The following ARHGAP24 variants were observed in gnomAD, a reference collection of about 807,000 sequenced individuals.
The protein encoded by ARHGAP24 is Rho GTPase activating protein 24, also known as rho GTPase-activating protein 24.
A neutral mutation model predicts 76.4 loss-of-function variants in ARHGAP24; 50 were observed. That is an observed-to-expected ratio of 0.65 (90% CI 0.52 to 0.83). The LOEUF is 0.83. ARHGAP24 is among the 40% of genes least tolerant of loss of function. The probability of loss-of-function intolerance (pLI) is 0.00; values close to 1 mark genes in which losing one functional copy is unlikely to be tolerated. For synonymous variants in ARHGAP24, 345 were observed against 323.3 expected, an observed-to-expected ratio of 1.07 and a Z score of -0.72; for missense variants, 930 against 914.2, an observed-to-expected ratio of 1.02 and a Z score of -0.22.
At position 85,616,947 on chromosome 4, in the gene ARHGAP24, G is replaced by A. The variant is rs191048285; in HGVS notation, c.180+46226G>A. On this transcript the variant is annotated intron_variant, in intron 2 of 9. Transcript: ENST00000395184. Reference sequence around the variant, plus strand: ...CCAGCGGCTTCCTTTTATAAATAAAGTTTTTTCTTTAGATCTCAGATTATA... The same window carrying A: ...CCAGCGGCTTCCTTTTATAAATAAAATTTTTTCTTTAGATCTCAGATTATA... 7.0e-3 allele frequency among the ~76,000 whole-genome samples: 1,055 copies of A among 151,760 alleles called. 13 individuals are homozygous for A. Among genetic ancestry groups the A allele is most frequent in the African/African-American group, 0.024 (1,006 of 41,452 alleles).
chr4:85,889,037 T>G (rs1283481050), intron 3 of ARHGAP24, among the ~76,000 whole-genome samples: 3 of 152,208 alleles, frequency 2.0e-5, no homozygotes, highest in Admixed American at 2.0e-4. Flanking sequence ...TGATGGGCAT[T>G]TAGCTTGATT....
intron 4 of ARHGAP24, among the ~76,000 whole-genome samples, chr4:85,935,416 T>C (rs72976260): frequency 0.019 from 2,925 of 152,318 alleles, 99 homozygotes; most frequent in African/African-American, 0.064. Flanking sequence ...CACAGGCTCC[T>C]GTGGAAACCC....
At chr4:85,651,631 T>C (rs1382947083) in intron 2 of ARHGAP24, among the ~76,000 whole-genome samples, 2 of 148,964 alleles carry the variant, frequency 1.3e-5, no homozygotes, top group East Asian at 3.9e-4. Flanking sequence ...TACTCACTTT[T>C]AGTCTTTACC....
At chr4:85,770,779 C>T (rs1468313752) in intron 3 of ARHGAP24, among the ~76,000 whole-genome samples, 2 of 152,170 alleles carry the variant, frequency 1.3e-5, no homozygotes, top group African/African-American at 2.4e-5. Context: ...CTGATCTCTC[C>T]TGTTTGTACC....
intron 3 of ARHGAP24, among the ~76,000 whole-genome samples, chr4:85,922,515 C>T (rs901132982): frequency 6.6e-6 from 1 of 152,156 alleles, no homozygotes; most frequent in Non-Finnish European, 1.5e-5. Flanking sequence ...ATCAAGTATA[C>T]AACACTGCAT....
intron 2 of ARHGAP24, among the ~76,000 whole-genome samples, chr4:85,687,750 A>G (rs1376493365): frequency 1.3e-5 from 2 of 151,468 alleles, no homozygotes; most frequent in African/African-American, 2.4e-5. Flanking sequence ...TTTTCAGTAG[A>G]ATTATTTCTT....
At chr4:85,745,644 T>C (rs1277790816) in intron 3 of ARHGAP24, among the ~76,000 whole-genome samples, 1 of 151,162 alleles carries the variant, frequency 6.6e-6, no homozygotes, top group African/African-American at 2.4e-5. Context: ...CCTGTGTACC[T>C]ACTTGCATAC....
chr4:85,487,350 AAT>A (rs531475898), intron 1 of ARHGAP24, among the ~76,000 whole-genome samples: 2,587 of 114,242 alleles, frequency 0.023, 42 homozygotes, highest in Middle Eastern at 0.036. Flanking sequence ...ATACATTTAT[AAT>A]ATATATAAAT....
intron 3 of ARHGAP24, among the ~76,000 whole-genome samples, chr4:85,913,299 G>A (rs1485680101): frequency 6.6e-6 from 1 of 151,052 alleles, no homozygotes; most frequent in East Asian, 1.9e-4. Flanking sequence ...CTGTAAAGTT[G>A]TTCAAAAAAC....
intron 3 of ARHGAP24, among the ~76,000 whole-genome samples, chr4:85,856,179 T>C (rs1731546456): frequency 6.6e-6 from 1 of 152,308 alleles, no homozygotes; most frequent in South Asian, 2.1e-4. Flanking sequence ...TGCTATTTCA[T>C]TGTGGTTTGA....
At chr4:85,711,910 C>T (rs894750456) in intron 2 of ARHGAP24, among the ~76,000 whole-genome samples, 1 of 152,138 alleles carries the variant, frequency 6.6e-6, no homozygotes, top group Non-Finnish European at 1.5e-5. Context: ...TTGGGCCCTT[C>T]TCTTTAGAGT....
chr4:85,972,008 G>A, intron 5 of ARHGAP24, 28 bp from the exon 6 acceptor site: 1 of 1,613,788 alleles, frequency 6.2e-7, no homozygotes, highest in Non-Finnish European at 8.5e-7. Context: ...TTACTCCAAA[G>A]AATATCTTCA....
At chr4:85,754,433 A>G (rs1036279555) in intron 3 of ARHGAP24, among the ~76,000 whole-genome samples, 14 of 152,200 alleles carry the variant, frequency 9.2e-5, no homozygotes. Context: ...TTCAATTAGT[A>G]ACTCCCATTG....
At chr4:85,586,187 A>T (rs1195293827) in intron 2 of ARHGAP24, among the ~76,000 whole-genome samples, 1 of 151,346 alleles carries the variant, frequency 6.6e-6, no homozygotes, top group African/African-American at 2.4e-5. Flanking sequence ...GTGAGGCATT[A>T]CATCCCAGTG....
In ARHGAP24 at chr4:86,000,624, A is replaced by G. The variant is rs988768112; in HGVS notation, c.2149A>G (p.Met717Val). ...AGAAGATGCCGAGAAAAGAAATGAC[A>G]TGCTACAGAAAGAAATGGAGCAGTT... ...AKEDAEKRND[M>V]LQKEMEQFFS... The change falls in exon 10 of 10, where the codon ATG (methionine) becomes GTG (valine). Residue 717 changes from methionine to valine, a missense_variant. Coordinates refer to ENST00000395184, the MANE Select transcript of ARHGAP24 (RefSeq NM_001025616.3). 3.1e-6 allele frequency: 5 copies of G among 1,613,898 alleles called. No individual in the cohort carries two copies. Among genetic ancestry groups the G allele is most frequent in the African/African-American group, 2.7e-5 (2 of 74,900 alleles).
intron 5 of ARHGAP24, among the ~76,000 whole-genome samples, chr4:85,971,007 A>G (rs1349261455): frequency 6.6e-6 from 1 of 152,224 alleles, no homozygotes; most frequent in Non-Finnish European, 1.5e-5. Flanking sequence ...CACACTCAGA[A>G]GAGGATACAA....
intron 3 of ARHGAP24, among the ~76,000 whole-genome samples, chr4:85,750,902 T>C (rs1419683397): frequency 6.6e-6 from 1 of 152,218 alleles, no homozygotes; most frequent in Non-Finnish European, 1.5e-5. Context: ...TCTTCTCTTC[T>C]ACACAGTTTT....
intron 3 of ARHGAP24, among the ~76,000 whole-genome samples, chr4:85,877,956 T>G (rs1480641206): frequency 6.6e-6 from 1 of 152,178 alleles, no homozygotes; most frequent in Non-Finnish European, 1.5e-5. Context: ...GATATTAAAA[T>G]GGTTTAAGAA....
chr4:85,990,582 C>T (rs1350675423), intron 8 of ARHGAP24: 2 of 151,758 alleles, frequency 1.3e-5, no homozygotes, highest in African/African-American at 2.4e-5. Flanking sequence ...TAAAGATGGA[C>T]ACACAGATCA....
Sources: gnomAD v4.1 joint callset for allele counts (sites outside exome capture counted in the v4.1 genomes callset) on GRCh38, gnomAD v4.1.1 for gene constraint, MANE v1.5 for transcripts, NCBI Gene and HGNC (gene_info 2026-07-23, HGNC 2026-07-21) for gene names.